QTGAL: variants seen among roughly 807,000 people sequenced by gnomAD.
QTGAL encodes queuosine-tRNA galactosyltransferase, also known as BGnT-like protein 1.
At chr17:83,014,544 T>C in the QTGAL span, 9 of 1,612,968 alleles carry the variant, frequency 5.6e-6, no homozygotes, top group Non-Finnish European at 7.6e-6. Context: ...ACACTTTCCG[T>C]TTGTTTGTTT....
the QTGAL span, among the ~76,000 whole-genome samples, chr17:82,998,308 AATAG>A: frequency 6.6e-6 from 1 of 152,216 alleles, no homozygotes; most frequent in African/African-American, 2.4e-5. Context: ...ATAAAAGGAA[AATAG>A]ATAAATTGAA....
the QTGAL span, among the ~76,000 whole-genome samples, chr17:83,017,991 C>T: frequency 2.1e-5 from 3 of 141,248 alleles, no homozygotes; most frequent in African/African-American, 5.3e-5. Context: ...AGGTACCACA[C>T]GTGCTCCGTG....
chr17:82,947,201 G>C, the QTGAL span: 5 of 518,146 alleles, frequency 9.6e-6, no homozygotes, highest in Admixed American at 3.6e-5. Flanking sequence ...CAGAGGGGAG[G>C]CCCCCCCTGC....
At chr17:83,014,330 C>T in the QTGAL span, 2 of 1,064,186 alleles carry the variant, frequency 1.9e-6, no homozygotes, top group South Asian at 3.1e-5. Context: ...ACAGATCCCT[C>T]TCCGTGACTT....
the QTGAL span, among the ~76,000 whole-genome samples, chr17:82,964,617 C>A: frequency 7.3e-6 from 1 of 137,714 alleles, no homozygotes; most frequent in Non-Finnish European, 1.5e-5. Context: ...TGGATGCCTG[C>A]AGGTGCACCC....
At chr17:83,048,366 C>T in the QTGAL span, 2 of 1,042,272 alleles carry the variant, frequency 1.9e-6, no homozygotes, top group Non-Finnish European at 2.9e-6. Flanking sequence ...CCAATTACCA[C>T]CAGGATACTT....
At chr17:83,015,547 A>G in the QTGAL span, among the ~76,000 whole-genome samples, 1 of 152,240 alleles carries the variant, frequency 6.6e-6, no homozygotes, top group East Asian at 1.9e-4. This position sits in a 1 kb window ranked among gnomAD's most constrained non-coding sequence, Gnocchi z 4.4. Context: ...TTTTCCCCTT[A>G]TTTAAATTCA....
the QTGAL span, among the ~76,000 whole-genome samples, chr17:82,956,314 G>A: frequency 6.6e-6 from 1 of 152,306 alleles, no homozygotes; most frequent in South Asian, 2.1e-4. This position sits in a 1 kb window ranked among gnomAD's most constrained non-coding sequence, Gnocchi z 5.7. Flanking sequence ...GGACATCCCC[G>A]ATGCAGCCAC....
At chr17:82,958,249 C>T in the QTGAL span, among the ~76,000 whole-genome samples, 19 of 152,218 alleles carry the variant, frequency 1.2e-4, no homozygotes, top group Non-Finnish European at 1.8e-4. Context: ...GGGGCCAGAA[C>T]GGCGTGGGAT....
chr17:82,979,864 T>G, the QTGAL span, among the ~76,000 whole-genome samples: 4 of 152,152 alleles, frequency 2.6e-5, no homozygotes, highest in African/African-American at 9.7e-5. Flanking sequence ...ATGTTACTGG[T>G]GGAGGGACAG....
At chr17:82,977,318 TGAG>T in the QTGAL span, among the ~76,000 whole-genome samples, 1 of 152,044 alleles carries the variant, frequency 6.6e-6, no homozygotes, top group Non-Finnish European at 1.5e-5. Context: ...TAAAACGGCT[TGAG>T]GATGGAACCC....
the QTGAL span, among the ~76,000 whole-genome samples, chr17:83,018,910 C>T: frequency 2.0e-5 from 3 of 152,142 alleles, no homozygotes; most frequent in Non-Finnish European, 4.4e-5. Flanking sequence ...CCAGGGCTCA[C>T]GGGGCCAGGA....
the QTGAL span, chr17:83,030,959 C>T: frequency 6.6e-6 from 1 of 152,256 alleles, no homozygotes. Flanking sequence ...AGCGCTCTCA[C>T]AACCACCAGA....
chr17:83,036,604 C>T, the QTGAL span, among the ~76,000 whole-genome samples: 5 of 152,246 alleles, frequency 3.3e-5, no homozygotes, highest in South Asian at 2.1e-4. Flanking sequence ...GCCAAAGGAA[C>T]GGGACTGAAA....
chr17:82,957,720 G>A, the QTGAL span, among the ~76,000 whole-genome samples: 1 of 152,192 alleles, frequency 6.6e-6, no homozygotes, highest in Admixed American at 6.5e-5. Flanking sequence ...CCCAACAGGT[G>A]GGGACAGATG....
chr17:82,958,799 G>GTGTGTGTGTGTATACTGTGTGGGGGTGTA, the QTGAL span, among the ~76,000 whole-genome samples: 1 of 128,098 alleles, frequency 7.8e-6, no homozygotes, highest in African/African-American at 2.7e-5. Flanking sequence ...TGAAGCATGT[G>GTGTGTGTGTGTATACTGTGTGGGGGTGTA]TGTGTGTGTG....
At chr17:82,957,033 C>G in the QTGAL span, 168 of 1,208,938 alleles carry the variant, frequency 1.4e-4, no homozygotes, top group East Asian at 3.2e-3. Context: ...GGTTCTCCCC[C>G]CAAGAATGGG....
chr17:82,998,391 G>C, the QTGAL span, among the ~76,000 whole-genome samples: 8 of 152,140 alleles, frequency 5.3e-5, no homozygotes, highest in Non-Finnish European at 8.8e-5. Flanking sequence ...TGTCTCCCAG[G>C]CTGGAGTGCA....
chr17:83,000,967 G>A, the QTGAL span, among the ~76,000 whole-genome samples: 9 of 152,214 alleles, frequency 5.9e-5, no homozygotes, highest in Non-Finnish European at 1.2e-4. Context: ...GAGGGCTCCG[G>A]GATGGACAGG....
Sources: allele counts gnomAD v4.1 joint callset (sites outside exome capture counted in the v4.1 genomes callset), GRCh38; gene constraint gnomAD v4.1.1; non-coding constraint Gnocchi (gnomAD v3.1); transcripts MANE v1.5; gene names NCBI Gene and HGNC (gene_info 2026-07-23, HGNC 2026-07-21).